Variants in ANK3 observed in about 807,000 individuals in gnomAD.
ANK3 encodes ankyrin-3.
In ANK3, 57 loss-of-function variants were observed where a neutral mutation model predicts 370.9. That is an observed-to-expected ratio of 0.15 (90% CI 0.12 to 0.19). The LOEUF is 0.19. Among genes scored for constraint, ANK3 ranks in the 10% least tolerant of loss-of-function variants. The pLI, the probability that ANK3 is intolerant of heterozygous loss-of-function variation, is 1.00. For synonymous variants in ANK3, 1,929 were observed against 1,946.3 expected, an observed-to-expected ratio of 0.99 and a Z score of 0.23; for missense variants, 4,439 against 5,302.1, an observed-to-expected ratio of 0.84 and a Z score of 5.06.
chr10:60,711,592 A>G (rs888246925), intron 1 of ANK3, among the ~76,000 whole-genome samples: 3 of 152,068 alleles, frequency 2.0e-5, no homozygotes, highest in Non-Finnish European at 4.4e-5. Context: ...GACAACTACA[A>G]TAAGTGTAAT....
intron 1 of ANK3, among the ~76,000 whole-genome samples, chr10:60,293,239 A>G (rs1318702914): frequency 6.6e-6 from 1 of 152,178 alleles, no homozygotes; most frequent in Non-Finnish European, 1.5e-5. Context: ...GCTGGCATTC[A>G]TCTCATCACG....
At chr10:60,482,565 C>A (rs78165637) in intron 2 of ANK3, among the ~76,000 whole-genome samples, 4,092 of 152,210 alleles carry the variant, frequency 0.027, 192 homozygotes, top group African/African-American at 0.094. Flanking sequence ...CAGCTTACTG[C>A]AACCTCGACA....
At chr10:60,317,022 A>T (rs2047591710) in intron 1 of ANK3, among the ~76,000 whole-genome samples, 1 of 152,218 alleles carries the variant, frequency 6.6e-6, no homozygotes, top group African/African-American at 2.4e-5. Flanking sequence ...CTGGGATTAC[A>T]GGCGTGAGCC....
intron 8 of ANK3, among the ~76,000 whole-genome samples, chr10:60,226,490 C>CATATACTATAGTATATATACATGTAT (rs2097150546): frequency 1.9e-4 from 12 of 63,412 alleles, no homozygotes; most frequent in African/African-American, 2.6e-4. Context: ...TATATATATA[C>CATATACTATAGTATATATACATGTAT]ATATACTATA....
intron 1 of ANK3, among the ~76,000 whole-genome samples, chr10:60,671,925 A>G (rs2079068663): frequency 6.6e-6 from 1 of 152,232 alleles, no homozygotes; most frequent in Non-Finnish European, 1.5e-5. Context: ...TGGGTCATGT[A>G]TGCAGATAAC....
intron 16 of ANK3, among the ~76,000 whole-genome samples, chr10:60,190,559 A>C (rs1273931489): frequency 6.6e-6 from 1 of 152,168 alleles, no homozygotes; most frequent in Non-Finnish European, 1.5e-5. Flanking sequence ...GGGTGTAAGG[A>C]GATGTGGTTT....
chr10:60,697,156 G>T (rs1589043283), intron 1 of ANK3, among the ~76,000 whole-genome samples: 1 of 151,804 alleles, frequency 6.6e-6, no homozygotes, highest in Non-Finnish European at 1.5e-5. Context: ...ATTCACAGTT[G>T]CTTCAAAGAG....
intron 26 of ANK3, among the ~76,000 whole-genome samples, chr10:60,112,355 G>T (rs2092775943): frequency 6.6e-6 from 1 of 151,472 alleles, no homozygotes; most frequent in Non-Finnish European, 1.5e-5. Flanking sequence ...TCTTGAATCT[G>T]ATTTTTTCTT....
chr10:60,314,933 T>C (rs1006458797), intron 1 of ANK3, among the ~76,000 whole-genome samples: 1 of 152,234 alleles, frequency 6.6e-6, no homozygotes, highest in Non-Finnish European at 1.5e-5. Context: ...AAAATTCACA[T>C]GATTTTAAGT....
intron 1 of ANK3, among the ~76,000 whole-genome samples, chr10:60,724,209 C>CAAAAA (rs398013720): frequency 2.5e-3 from 134 of 54,128 alleles, no homozygotes; most frequent in East Asian, 3.7e-3. Flanking sequence ...GACTCCGTCT[C>CAAAAA]AAAAAAAAAA....
chr10:60,211,826 AC>A (rs1246624993), intron 9 of ANK3, among the ~76,000 whole-genome samples: 1 of 148,858 alleles, frequency 6.7e-6, no homozygotes, highest in East Asian at 2.0e-4. Context: ...GCTGCCACTC[AC>A]ATGTTTGTGC....
intron 4 of ANK3, among the ~76,000 whole-genome samples, chr10:60,275,330 T>C (rs922265342): frequency 6.6e-5 from 10 of 152,318 alleles, no homozygotes; most frequent in African/African-American, 2.4e-4. Context: ...TGCAGACTTA[T>C]AATTTTGTAG....
intron 1 of ANK3, among the ~76,000 whole-genome samples, chr10:60,368,585 T>G (rs1232098349): frequency 6.6e-6 from 1 of 152,154 alleles, no homozygotes; most frequent in Non-Finnish European, 1.5e-5. Flanking sequence ...TTGGCAGCAA[T>G]TTTTTAGCAT....
At chr10:60,705,824 CTTTTTTTTTT>C (rs11294932) in intron 1 of ANK3, among the ~76,000 whole-genome samples, 1 of 94,510 alleles carries the variant, frequency 1.1e-5, no homozygotes, top group Non-Finnish European at 2.1e-5. Flanking sequence ...TTTTTTCTTT[CTTTTTTTTTT>C]TTTTTTTTTG....
upstream of ANK3, among the ~76,000 whole-genome samples, chr10:60,390,765 C>A (rs938781249): frequency 4.4e-5 from 2 of 45,160 alleles, no homozygotes; most frequent in South Asian, 1.9e-3. Context: ...CACACACACA[C>A]AAACAACAAT....
chr10:60,305,822 A>C (rs1055815801), intron 1 of ANK3, among the ~76,000 whole-genome samples: 1 of 152,190 alleles, frequency 6.6e-6, no homozygotes, highest in Non-Finnish European at 1.5e-5. Context: ...CTGAATCCCC[A>C]AAGGGTGAGC....
intron 18 of ANK3, among the ~76,000 whole-genome samples, chr10:60,180,786 T>TTA (rs1174656177): frequency 6.7e-6 from 1 of 148,976 alleles, no homozygotes; most frequent in African/African-American, 2.5e-5. Context: ...AGTTGTGGCA[T>TTA]TATATAAGAT....
chr10:60,702,308 C>G (rs992730228), intron 1 of ANK3, among the ~76,000 whole-genome samples: 1 of 151,170 alleles, frequency 6.6e-6, no homozygotes, highest in African/African-American at 2.4e-5. Context: ...CCTATCCATA[C>G]AAAGAGGGAC....
intron 1 of ANK3, among the ~76,000 whole-genome samples, chr10:60,339,043 G>T (rs1004335101): frequency 6.6e-6 from 1 of 152,080 alleles, no homozygotes; most frequent in South Asian, 2.1e-4. Flanking sequence ...GAGTGAAATA[G>T]AATGTGTGCT....
Sources: allele counts gnomAD v4.1 joint callset (sites outside exome capture counted in the v4.1 genomes callset), GRCh38; gene constraint gnomAD v4.1.1; transcripts MANE v1.5; gene names NCBI Gene and HGNC (gene_info 2026-07-23, HGNC 2026-07-21).